The following CRPPA variants were observed in gnomAD, a reference collection of about 807,000 sequenced individuals.
The protein encoded by CRPPA is CDP-L-ribitol pyrophosphorylase A.
CRPPA carries 43 observed loss-of-function variants against 52.0 expected under a neutral mutation model. The observed-to-expected ratio is 0.83, with a 90% CI of 0.65 to 1.07. The LOEUF is 1.07. Ranked by LOEUF, CRPPA falls within the 50% of genes least tolerant of loss-of-function variation. CRPPA has a pLI of 0.00. For synonymous variants in CRPPA, 250 were observed against 203.5 expected (o/e 1.23, Z -1.94); for missense variants, 629 against 551.7 (o/e 1.14, Z -1.40).
chr7:16,271,956 T>C (rs546224766), intron 6 of CRPPA, among the ~76,000 whole-genome samples: 1 of 152,236 alleles, frequency 6.6e-6, no homozygotes, highest in Non-Finnish European at 1.5e-5. Context: ...AAAAGACTAA[T>C]CATATCTTCC....
intron 2 of CRPPA, among the ~76,000 whole-genome samples, chr7:16,384,244 C>T (rs1787195947): frequency 6.6e-6 from 1 of 152,108 alleles, no homozygotes; most frequent in South Asian, 2.1e-4. Context: ...AGCTATGAAG[C>T]TCTCCCAAAG....
chr7:16,335,075 T>C (rs1274989673), intron 3 of CRPPA, among the ~76,000 whole-genome samples: 1 of 134,412 alleles, frequency 7.4e-6, no homozygotes, highest in Non-Finnish European at 1.5e-5. Context: ...ATCCCAGCAA[T>C]CTGGGAGGCT....
At chr7:16,272,371 A>G (rs10280613) in intron 6 of CRPPA, among the ~76,000 whole-genome samples, 12,264 of 152,256 alleles carry the variant, frequency 0.081, 630 homozygotes, top group East Asian at 0.15. Flanking sequence ...GATAATTACA[A>G]TAAACATACC....
At chr7:16,262,542 T>A (rs1432166995) in intron 6 of CRPPA, among the ~76,000 whole-genome samples, 2 of 152,212 alleles carry the variant, frequency 1.3e-5, no homozygotes, top group African/African-American at 4.8e-5. Flanking sequence ...TCAGGTTTTA[T>A]CCAGGTTTAC....
intron 6 of CRPPA, among the ~76,000 whole-genome samples, chr7:16,273,072 G>T (rs1049031891): frequency 6.6e-6 from 1 of 150,596 alleles, no homozygotes; most frequent in Non-Finnish European, 1.5e-5. Flanking sequence ...CCATTAACTC[G>T]TCATTTAGCA....
chr7:16,178,918 A>G (rs1445023207), intron 9 of CRPPA, among the ~76,000 whole-genome samples: 1 of 152,044 alleles, frequency 6.6e-6, no homozygotes, highest in Non-Finnish European at 1.5e-5. Flanking sequence ...ACCCCCATAA[A>G]TTTGGTTGAG....
chr7:16,264,702 A>G (rs1338670289), intron 6 of CRPPA, among the ~76,000 whole-genome samples: 1 of 152,314 alleles, frequency 6.6e-6, no homozygotes, highest in East Asian at 1.9e-4. Flanking sequence ...CATTCAAACA[A>G]TGGCACAAGT....
chr7:16,202,018 C>G (rs1451279854), intron 9 of CRPPA, among the ~76,000 whole-genome samples: 1 of 152,104 alleles, frequency 6.6e-6, no homozygotes, highest in Non-Finnish European at 1.5e-5. Context: ...TGGTGTATAA[C>G]TTTACCAAGA....
chr7:16,111,426 A>G (rs1040591770), intron 9 of CRPPA, among the ~76,000 whole-genome samples: 5 of 152,188 alleles, frequency 3.3e-5, no homozygotes, highest in Admixed American at 2.6e-4. Context: ...CTGGATATCT[A>G]CCAAAAGATT....
In CRPPA at chr7:16,239,150, A is replaced by G. The variant is rs930587052; in HGVS notation, c.1119+19240T>C. On this transcript the variant is annotated intron_variant, in intron 8 of 9. Coordinates refer to ENST00000407010, the MANE Select transcript of CRPPA (RefSeq NM_001101426.4). ...AAGACTCTGTCTCAAAAAAAAAAAA[A>G]AAAAAAAGCCATTTAGATGCCATCA... Among the ~76,000 whole-genome samples the G allele has an allele frequency of 4.2e-4, 64 of 151,120 alleles. 4 individuals are homozygous for G. Among genetic ancestry groups the G allele is most frequent in the Non-Finnish European group, 6.5e-4 (44 of 67,704 alleles).
intron 9 of CRPPA, among the ~76,000 whole-genome samples, chr7:16,197,169 C>G (rs1466637594): frequency 6.6e-6 from 1 of 152,154 alleles, no homozygotes; most frequent in Non-Finnish European, 1.5e-5. Flanking sequence ...AACCAAGCCA[C>G]ACACCTGGGA....
intron 1 of CRPPA, among the ~76,000 whole-genome samples, chr7:16,409,060 C>T (rs1324893476): frequency 6.6e-6 from 1 of 152,200 alleles, no homozygotes; most frequent in Non-Finnish European, 1.5e-5. Flanking sequence ...TGCCACCACA[C>T]ATAGCTAATT....
At chr7:16,332,631 A>AATGTAATG (rs1239453951) in intron 3 of CRPPA, among the ~76,000 whole-genome samples, 1 of 152,166 alleles carries the variant, frequency 6.6e-6, no homozygotes, top group East Asian at 1.9e-4. Flanking sequence ...AAACTGAAAG[A>AATGTAATG]ATGTAATGGG....
intron 5 of CRPPA, among the ~76,000 whole-genome samples, chr7:16,296,853 T>C (rs571233510): frequency 6.6e-6 from 1 of 152,322 alleles, no homozygotes; most frequent in East Asian, 1.9e-4. Flanking sequence ...ACAAACACTT[T>C]CTAGAAGACT....
At chr7:16,185,619 C>G (rs556664905) in intron 9 of CRPPA, among the ~76,000 whole-genome samples, 1 of 152,226 alleles carries the variant, frequency 6.6e-6, no homozygotes, top group South Asian at 2.1e-4. Context: ...TTAGTTTTGT[C>G]TGAAGTCAAC....
chr7:16,399,125 A>T (rs573591927), intron 2 of CRPPA, among the ~76,000 whole-genome samples: 1 of 152,348 alleles, frequency 6.6e-6, no homozygotes, highest in East Asian at 1.9e-4. Flanking sequence ...TCAGCACGTG[A>T]CATTTCACCA....
Position 16,091,105 on chromosome 7 carries a change from A to G in CRPPA, c.*590T>C, listed in dbSNP as rs1005654103. ...ACAATTTAAAAACAGAAAAGAAGGA[A>G]ATGACATCTGTTTTAGGGATCTTGA... On this transcript the variant is annotated 3_prime_UTR_variant, in exon 10 of 10. Coordinates refer to ENST00000407010, the MANE Select transcript of CRPPA (RefSeq NM_001101426.4). 1 of 152,218 alleles carries G rather than the reference A, an allele frequency of 6.6e-6. No homozygotes were observed. Among genetic ancestry groups the G allele is most frequent in the Admixed American group, 6.5e-5 (1 of 15,278 alleles). The allele number at this position is 152,218 out of a possible 1,614,324, so 9.4% of individuals were successfully genotyped here. A position where few individuals can be genotyped will look rare whatever the true frequency, so the allele number is the denominator to read the frequency against.
chr7:16,229,255 G>A (rs1407918938), intron 8 of CRPPA, among the ~76,000 whole-genome samples: 4 of 151,812 alleles, frequency 2.6e-5, no homozygotes. Context: ...TCTTTTGATT[G>A]GAAAAATATA....
intron 3 of CRPPA, among the ~76,000 whole-genome samples, chr7:16,334,338 G>T (rs975534807): frequency 6.6e-6 from 1 of 152,110 alleles, no homozygotes; most frequent in Non-Finnish European, 1.5e-5. Flanking sequence ...TGGTGTTCTT[G>T]TTATATCCTC....
Sources: allele counts gnomAD v4.1 joint callset (sites outside exome capture counted in the v4.1 genomes callset), GRCh38; gene constraint gnomAD v4.1.1; transcripts MANE v1.5; gene names NCBI Gene and HGNC (gene_info 2026-07-23, HGNC 2026-07-21).